ZNF267: variants seen among roughly 807,000 people sequenced by gnomAD.
The protein encoded by ZNF267 is zinc finger (C2H2).
A neutral mutation model predicts 71.6 loss-of-function variants in ZNF267; 61 were observed. That is an observed-to-expected ratio of 0.85 (90% CI 0.69 to 1.05). The LOEUF is 1.05. ZNF267 is among the 50% of genes least tolerant of loss of function. ZNF267 has a pLI of 0.00. For missense variants in ZNF267, 852 were observed against 870.0 expected (o/e 0.98, Z 0.26); for synonymous variants, 288 against 293.2 (o/e 0.98, Z 0.18).
intron 3 of ZNF267, among the ~76,000 whole-genome samples, chr16:31,909,112 TTTC>T (rs1261628248): frequency 7.2e-6 from 1 of 139,680 alleles, no homozygotes; most frequent in Non-Finnish European, 1.5e-5. Flanking sequence ...TTCTATTTCT[TTTC>T]TTTTCTTTTT....
At chr16:31,885,935 T>C (rs972656200) in intron 3 of ZNF267, among the ~76,000 whole-genome samples, 1 of 152,228 alleles carries the variant, frequency 6.6e-6, no homozygotes, top group Non-Finnish European at 1.5e-5. Flanking sequence ...ACTTATTATA[T>C]AGACTTCTTA....
intron 3 of ZNF267, among the ~76,000 whole-genome samples, chr16:31,889,059 A>G (rs2083942534): frequency 6.6e-6 from 1 of 150,540 alleles, no homozygotes; most frequent in East Asian, 2.0e-4. Flanking sequence ...CTTCTAAGTT[A>G]TCTTTTTTTG....
In ZNF267 at chr16:31,873,819, G is replaced by A; in HGVS notation, c.-148G>A. The A allele has an allele frequency of 9.1e-7, 1 of 1,102,504 alleles. No homozygotes were observed. The highest frequency in any genetic ancestry group is 1.4e-6 in the Non-Finnish European group (1 of 734,578). 68.3% of individuals were successfully genotyped at this position (1,102,504 alleles called of 1,614,324 possible). On this transcript the variant is annotated 5_prime_UTR_variant, in exon 1 of 4. Transcript: ENST00000300870. ...CTTCGTCGGCTCCAGTTAGAGCTCG[G>A]GTCTCCTCGCCACAGCTCCGAGTCT...
chr16:31,894,614 C>T (rs2083983955), intron 3 of ZNF267: 1 of 485,646 alleles, frequency 2.1e-6, no homozygotes, highest in Admixed American at 2.4e-5. Flanking sequence ...GACTTCAGTG[C>T]TTTCAGCACT....
intron 3 of ZNF267, among the ~76,000 whole-genome samples, chr16:31,888,083 T>C (rs2083935900): frequency 1.3e-5 from 2 of 152,044 alleles, no homozygotes; most frequent in African/African-American, 4.8e-5. Flanking sequence ...GATCTTTCAC[T>C]TCTTTTGTTA....
At chr16:31,908,458 C>T (rs1038989095) in intron 3 of ZNF267, among the ~76,000 whole-genome samples, 1 of 152,144 alleles carries the variant, frequency 6.6e-6, no homozygotes, top group Non-Finnish European at 1.5e-5. Context: ...TAATACATTA[C>T]TTAAGAAATT....
At chr16:31,883,060 G>A (rs1196818211) in intron 1 of ZNF267, among the ~76,000 whole-genome samples, 6 of 152,134 alleles carry the variant, frequency 3.9e-5, no homozygotes, top group Non-Finnish European at 8.8e-5. Context: ...TCTCAGTTCT[G>A]TAGGTTTCCA....
intron 3 of ZNF267, among the ~76,000 whole-genome samples, chr16:31,902,438 C>A (rs915031727): frequency 1.3e-5 from 2 of 152,126 alleles, no homozygotes; most frequent in Non-Finnish European, 2.9e-5. Context: ...ATGGAATGTT[C>A]TTCCATTTGT....
At chr16:31,881,999 C>T (rs2083893841) in intron 1 of ZNF267, among the ~76,000 whole-genome samples, 1 of 152,162 alleles carries the variant, frequency 6.6e-6, no homozygotes, top group African/African-American at 2.4e-5. Flanking sequence ...TGACTCCTTC[C>T]TTTCTGTATC....
intron 3 of ZNF267, among the ~76,000 whole-genome samples, chr16:31,907,433 T>C (rs1045237936): frequency 6.6e-6 from 1 of 152,240 alleles, no homozygotes; most frequent in South Asian, 2.1e-4. Context: ...GTGCTGGGGA[T>C]TTTTTACCTG....
chr16:31,907,787 A>G (rs1163702193), intron 3 of ZNF267, among the ~76,000 whole-genome samples: 1 of 152,062 alleles, frequency 6.6e-6, no homozygotes, highest in African/African-American at 2.4e-5. Flanking sequence ...CTATAATCCC[A>G]GCAATTTGGG....
intron 3 of ZNF267, among the ~76,000 whole-genome samples, chr16:31,903,157 A>G (rs941440394): frequency 1.3e-5 from 2 of 152,170 alleles, no homozygotes; most frequent in Non-Finnish European, 1.5e-5. Flanking sequence ...ATGGTGGATA[A>G]GGTTTTTGAT....
chr16:31,892,108 A>G (rs1040215074), intron 3 of ZNF267, among the ~76,000 whole-genome samples: 8 of 152,148 alleles, frequency 5.3e-5, no homozygotes, highest in Non-Finnish European at 1.0e-4. Flanking sequence ...AGACTGGGTA[A>G]TTTACAAAAG....
chr16:31,905,096 G>C (rs913173240), intron 3 of ZNF267, among the ~76,000 whole-genome samples: 1 of 152,278 alleles, frequency 6.6e-6, no homozygotes, highest in South Asian at 2.1e-4. Flanking sequence ...TTTTCTTTAA[G>C]AATGTTGAAT....
intron 3 of ZNF267, among the ~76,000 whole-genome samples, chr16:31,903,765 G>T (rs949470899): frequency 3.9e-5 from 6 of 152,110 alleles, no homozygotes; most frequent in African/African-American, 1.4e-4. Context: ...TTTTTGAAGG[G>T]TTTTTTGTTT....
chr16:31,895,556 A>G (rs957930869), intron 3 of ZNF267, among the ~76,000 whole-genome samples: 25 of 152,292 alleles, frequency 1.6e-4, no homozygotes, highest in Middle Eastern at 6.8e-3. Context: ...ACCATTTTCT[A>G]TAGTGGCTAT....
At chr16:31,887,219 C>T (rs1168513450) in intron 3 of ZNF267, among the ~76,000 whole-genome samples, 1 of 149,012 alleles carries the variant, frequency 6.7e-6, no homozygotes, top group African/African-American at 2.5e-5. Flanking sequence ...GAAATGTCTA[C>T]TTGAGTCCTT....
At position 31,914,497 on chromosome 16, in the gene ZNF267, A is replaced by G. The variant is rs1003824624; in HGVS notation, c.248A>G (p.Lys83Arg). The change falls in exon 4 of 4, where the codon AAG becomes AGG. Residue 83 changes from lysine to arginine, a missense_variant. By Grantham distance (26) the Lys-to-Arg change is conservative. Transcript: ENST00000300870. Reference protein sequence around the residue: ...IQPDVFSHYNKDLLTEHCTEA... With the variant: ...IQPDVFSHYNRDLLTEHCTEA... Reference sequence around the variant, plus strand: ...TCAGATGTGTTTTCGCATTATAACAAGGACCTGTTGACAGAGCACTGCACA... The same window carrying G: ...TCAGATGTGTTTTCGCATTATAACAGGGACCTGTTGACAGAGCACTGCACA... 1 of 1,589,724 alleles carries G rather than the reference A, an allele frequency of 6.3e-7. No individual in the cohort carries two copies. The highest frequency in any genetic ancestry group is 1.2e-5 in the South Asian group (1 of 86,620).
intron 3 of ZNF267, among the ~76,000 whole-genome samples, chr16:31,908,902 T>G (rs9788838): frequency 0.86 from 131,127 of 151,666 alleles, 58,732 homozygotes; most frequent in East Asian, 1. Context: ...CTATTCTGAG[T>G]CTTTTGTGGT....
Sources: gnomAD v4.1 joint callset for allele counts (sites outside exome capture counted in the v4.1 genomes callset) on GRCh38, gnomAD v4.1.1 for gene constraint, MANE v1.5 for transcripts, NCBI Gene and HGNC (gene_info 2026-07-23, HGNC 2026-07-21) for gene names.